Variants in ARID3B observed in about 807,000 individuals in gnomAD.
ARID3B encodes the protein AT-rich interactive domain-containing protein 3B.
ARID3B carries 10 observed loss-of-function variants against 51.9 expected under a neutral mutation model. The observed-to-expected ratio is 0.19, with a 90% confidence interval of 0.12 to 0.33. The LOEUF is 0.33. Ranked by LOEUF, ARID3B falls within the 10% of genes least tolerant of loss-of-function variation. The pLI, the probability that ARID3B is intolerant of heterozygous loss-of-function variation, is 1.00. For synonymous variants in ARID3B, 205 were observed against 279.5 expected (o/e 0.73, Z 2.66); for missense variants, 483 against 716.3 (o/e 0.67, Z 3.72).
Position 74,591,351 on chromosome 15 carries a change from G to A in ARID3B, c.1082G>A (p.Arg361His), listed in dbSNP as rs375732452. ...GCCCTTCTCTCCCCACCCAAGATCC[G>A]CTTTCCCATCCTTGGGCTTGGCTCC... ...APALLSPPKI[R>H]FPILGLGSSS... The change falls in exon 6 of 9, where the codon CGC (arginine) becomes CAC (histidine). Residue 361 changes from arginine to histidine, a missense_variant. By Grantham distance (29) the Arg-to-His change is conservative. This residue lies in a region of ARID3B where 265 missense variants were observed against 354.4 expected (regional missense o/e 0.75). Coordinates refer to ENST00000346246, the MANE Select transcript of ARID3B (RefSeq NM_006465.4). The surrounding 1 kb of genome is among the most constrained non-coding windows in gnomAD (Gnocchi z 5.8). The A allele has an allele frequency of 1.9e-4, 308 of 1,613,906 alleles. No individual in the cohort carries two copies. The highest frequency in any genetic ancestry group is 2.5e-4 in the Non-Finnish European group (292 of 1,179,936).
intron 2 of ARID3B, among the ~76,000 whole-genome samples, chr15:74,569,327 G>T (rs1207893372): frequency 6.6e-6 from 1 of 152,042 alleles, no homozygotes; most frequent in Non-Finnish European, 1.5e-5. Flanking sequence ...AGATATATCG[G>T]TGCTCCCTCT....
chr15:74,587,854 A>T (rs1460159399), intron 4 of ARID3B, among the ~76,000 whole-genome samples: 1 of 152,008 alleles, frequency 6.6e-6, no homozygotes, highest in Non-Finnish European at 1.5e-5. Context: ...GAATTTGTGG[A>T]TCTAATTCCA....
At chr15:74,567,203 T>C (rs943653335) in intron 2 of ARID3B, among the ~76,000 whole-genome samples, 1 of 152,130 alleles carries the variant, frequency 6.6e-6, no homozygotes, top group Non-Finnish European at 1.5e-5. Flanking sequence ...TGTCCTTATA[T>C]CCTCCCTGTC....
Position 74,563,022 on chromosome 15 carries a change from C to A in ARID3B, c.553-9840C>A, listed in dbSNP as rs570001849. On this transcript the variant is annotated intron_variant, in intron 2 of 8. Transcript: ENST00000346246. ...CTTCTTTTAAGTGTGTTCTGATTTTCCCCCCAGATTATTCACTTAGCTTGT... is the reference window on the plus strand; with the variant it reads ...CTTCTTTTAAGTGTGTTCTGATTTTACCCCCAGATTATTCACTTAGCTTGT... Among the ~76,000 whole-genome samples, 22 of 152,240 alleles carry A rather than the reference C, an allele frequency of 1.4e-4. No homozygotes were observed. The East Asian group carries it at 4.2e-3, about 29-fold the overall frequency.
At chr15:74,576,771 T>C (rs550934492) in intron 4 of ARID3B, among the ~76,000 whole-genome samples, 52 of 152,320 alleles carry the variant, frequency 3.4e-4, no homozygotes, top group Non-Finnish European at 1.8e-4. Context: ...GAGTGAGTGC[T>C]GGGGCCTCAC....
At chr15:74,564,383 C>T (rs1285201175) in intron 2 of ARID3B, among the ~76,000 whole-genome samples, 2 of 152,170 alleles carry the variant, frequency 1.3e-5, no homozygotes, top group African/African-American at 2.4e-5. Context: ...TTTAACATTA[C>T]ATCATTAATC....
chr15:74,557,242 C>G (rs1656775778), intron 2 of ARID3B, among the ~76,000 whole-genome samples: 1 of 151,262 alleles, frequency 6.6e-6, no homozygotes, highest in South Asian at 2.1e-4. Context: ...TGATGAAACC[C>G]TGTCTCTACC....
intron 2 of ARID3B, among the ~76,000 whole-genome samples, chr15:74,559,055 G>T (rs1035265582): frequency 2.0e-5 from 3 of 152,140 alleles, no homozygotes; most frequent in African/African-American, 7.2e-5. Flanking sequence ...GTCTCTCATG[G>T]CCTCTGGCTT....
chr15:74,585,040 C>G (rs562535538), intron 4 of ARID3B, among the ~76,000 whole-genome samples: 1 of 152,358 alleles, frequency 6.6e-6, no homozygotes, highest in East Asian at 1.9e-4. Flanking sequence ...CCCTGGATTC[C>G]TGTCAGAGAG....
chr15:74,570,783 A>G (rs2061716603), intron 2 of ARID3B, among the ~76,000 whole-genome samples: 1 of 152,252 alleles, frequency 6.6e-6, no homozygotes, highest in Non-Finnish European at 1.5e-5. Flanking sequence ...TGCTGACCTG[A>G]CAGGCATAAT....
chr15:74,547,833 G>T (rs926940204), intron 2 of ARID3B, among the ~76,000 whole-genome samples: 5 of 152,236 alleles, frequency 3.3e-5, no homozygotes, highest in Non-Finnish European at 5.9e-5. Context: ...ATACTCAGAA[G>T]TATTTTGCAA....
At chr15:74,549,326 C>T (rs547892806) in intron 2 of ARID3B, among the ~76,000 whole-genome samples, 424 of 152,142 alleles carry the variant, frequency 2.8e-3, no homozygotes, top group Non-Finnish European at 4.3e-3. Flanking sequence ...CCGTCCGCCT[C>T]GGCCTCCCAA....
chr15:74,590,101 G>A, intron 5 of ARID3B, 98 bp downstream of exon 5: 1 of 1,355,416 alleles, frequency 7.4e-7, no homozygotes, highest in Non-Finnish European at 9.8e-7. Context: ...TGTATGGTTA[G>A]CAAGATGAGT....
intron 5 of ARID3B, among the ~76,000 whole-genome samples, chr15:74,590,817 A>G (rs904717413): frequency 2.6e-5 from 4 of 152,218 alleles, no homozygotes; most frequent in South Asian, 2.1e-4. Context: ...CTGAATGGTT[A>G]TAAGATCAAG....
intron 2 of ARID3B, among the ~76,000 whole-genome samples, chr15:74,564,289 A>G (rs1360753540): frequency 6.6e-6 from 1 of 152,172 alleles, no homozygotes; most frequent in Non-Finnish European, 1.5e-5. Flanking sequence ...TGCATGTCTC[A>G]TTACCTCCTG....
At chr15:74,555,165 A>G (rs1014661174) in intron 2 of ARID3B, among the ~76,000 whole-genome samples, 2 of 152,202 alleles carry the variant, frequency 1.3e-5, no homozygotes, top group Non-Finnish European at 2.9e-5. Context: ...AAGAAAAACA[A>G]TAACAAGTAT....
At chr15:74,572,793 G>A (rs1398015180) in intron 2 of ARID3B, 69 bp from the exon 3 acceptor site, 2 of 1,459,952 alleles carry the variant, frequency 1.4e-6, no homozygotes, top group Admixed American at 1.7e-5. Context: ...CTAAATGATT[G>A]CCTTGCCCTC....
chr15:74,566,285 C>G (rs2061697853), intron 2 of ARID3B, among the ~76,000 whole-genome samples: 1 of 152,040 alleles, frequency 6.6e-6, no homozygotes, highest in South Asian at 2.1e-4. Flanking sequence ...AAAAATCATA[C>G]TACTCTCTTA....
intron 4 of ARID3B, among the ~76,000 whole-genome samples, chr15:74,580,566 G>A (rs1187480114): frequency 6.6e-6 from 1 of 152,134 alleles, no homozygotes; most frequent in Non-Finnish European, 1.5e-5. Flanking sequence ...CTGATCTGCT[G>A]CTCCCCTCAG....
Sources: gnomAD v4.1 joint callset for allele counts (sites outside exome capture counted in the v4.1 genomes callset) on GRCh38, gnomAD v4.1.1 for gene constraint, gnomAD v4.1.1 regional missense constraint, Gnocchi (gnomAD v3.1) non-coding constraint, MANE v1.5 for transcripts, NCBI Gene and HGNC (gene_info 2026-07-23, HGNC 2026-07-21) for gene names.